Variants in NPAT observed in about 807,000 individuals in gnomAD.
NPAT encodes the protein nuclear protein, coactivator of histone transcription, also known as protein NPAT.
A neutral mutation model predicts 130.7 loss-of-function variants in NPAT; 52 were observed. The ratio of observed to expected loss-of-function variants is 0.40; its 90% CI spans 0.32 to 0.50. The LOEUF (loss-of-function observed/expected upper bound fraction) is 0.50. Among genes scored for constraint, NPAT ranks in the 20% least tolerant of loss-of-function variants. The pLI is 0.68. For missense variants in NPAT, 1,687 were observed against 1,662.6 expected (o/e 1.01, Z -0.26); for synonymous variants, 580 against 584.8 (o/e 0.99, Z 0.12).
chr11:108,168,886 G>A (rs1288032369), intron 15 of NPAT, among the ~76,000 whole-genome samples: 2 of 151,980 alleles, frequency 1.3e-5, no homozygotes, highest in African/African-American at 4.8e-5. Flanking sequence ...GAGATGGAGA[G>A]GTCGAGAGTG....
chr11:108,221,671 G>A (rs912597612), intron 1 of NPAT, among the ~76,000 whole-genome samples: 1 of 152,144 alleles, frequency 6.6e-6, no homozygotes, highest in African/African-American at 2.4e-5. Flanking sequence ...TTTTAGGGAC[G>A]TCGCATACGA....
intron 1 of NPAT, among the ~76,000 whole-genome samples, chr11:108,199,141 C>CA (rs1216988551): frequency 1.3e-5 from 2 of 152,202 alleles, no homozygotes; most frequent in African/African-American, 4.8e-5. Flanking sequence ...GGGAAGGAGA[C>CA]AGAGTTGTAA....
intron 1 of NPAT, among the ~76,000 whole-genome samples, chr11:108,198,524 C>T (rs963915919): frequency 1.3e-5 from 2 of 151,926 alleles, no homozygotes; most frequent in Non-Finnish European, 2.9e-5. Flanking sequence ...GGTAGGGTAC[C>T]CGGTGAAACC....
chr11:108,190,849 G>C lies in NPAT; in HGVS notation c.291-349C>G, dbSNP rs547317333. On this transcript the variant is annotated intron_variant, in intron 4 of 17. Transcript: ENST00000278612. The stretch of plus-strand genomic sequence containing the variant: ...GCACCCTGGGGGGCTGAGGTGAGAG[G>C]ATCACTTGAGGCCGAGAGTTCATGA... 2.6e-5 allele frequency among the ~76,000 whole-genome samples: 4 copies of C among 152,284 alleles called. No individual in the cohort carries two copies. In the South Asian group the frequency reaches 8.3e-4, roughly 32 times the overall value.
intron 1 of NPAT, among the ~76,000 whole-genome samples, chr11:108,219,185 G>A (rs1359258651): frequency 1.3e-5 from 2 of 152,160 alleles, no homozygotes; most frequent in Non-Finnish European, 2.9e-5. Flanking sequence ...ACTGGTGGGA[G>A]GCTGGAGGGC....
At chr11:108,186,130 T>A (rs750444974) in intron 8 of NPAT, among the ~76,000 whole-genome samples, 9 of 151,758 alleles carry the variant, frequency 5.9e-5, no homozygotes, top group Non-Finnish European at 1.2e-4. Flanking sequence ...AGTCCTCCCA[T>A]CTCAGCCTCC....
chr11:108,213,235 T>C (rs2078401294), intron 1 of NPAT, among the ~76,000 whole-genome samples: 1 of 152,106 alleles, frequency 6.6e-6, no homozygotes, highest in South Asian at 2.1e-4. Context: ...ATTGCGCCAT[T>C]GCACTCCAGC....
At chr11:108,220,804 A>G (rs915680229) in intron 1 of NPAT, among the ~76,000 whole-genome samples, 2 of 152,246 alleles carry the variant, frequency 1.3e-5, no homozygotes, top group Admixed American at 6.5e-5. Flanking sequence ...ACTAAAAGGT[A>G]TAGTGTGAAA....
chr11:108,210,569 TA>T (rs1487839237), intron 1 of NPAT, among the ~76,000 whole-genome samples: 3 of 152,178 alleles, frequency 2.0e-5, no homozygotes, highest in Admixed American at 2.0e-4. Flanking sequence ...GTGAGCCAAT[TA>T]AAACCTCTTT....
In NPAT at chr11:108,181,203, C is replaced by T. The variant is rs1485454552; in HGVS notation, c.906+4029G>A. Among the ~76,000 whole-genome samples, 5 of 152,210 alleles carry T rather than the reference C, an allele frequency of 3.3e-5. No individual in the cohort carries two copies. In the South Asian group the frequency reaches 8.3e-4, roughly 25 times the overall value. ...AACTGGCTGGGTGTGGTGGCTCACACCTGTAATCCCAGCACTTTGGGAGGC... is the reference window on the plus strand; with the variant it reads ...AACTGGCTGGGTGTGGTGGCTCACATCTGTAATCCCAGCACTTTGGGAGGC... On this transcript the variant is annotated intron_variant, in intron 10 of 17. Transcript: ENST00000278612.
intron 17 of NPAT, among the ~76,000 whole-genome samples, chr11:108,159,239 CAA>C (rs1362814404): frequency 2.6e-5 from 4 of 152,036 alleles, no homozygotes; most frequent in African/African-American, 9.7e-5. Flanking sequence ...TAGTTTATGG[CAA>C]AAGACATGAT....
At chr11:108,193,813 A>G in intron 3 of NPAT, 144 bp downstream of exon 3, 2 of 565,966 alleles carry the variant, frequency 3.5e-6, no homozygotes, top group Non-Finnish European at 6.4e-6. Context: ...GATGTGTCCC[A>G]GAAAAATTTA....
chr11:108,172,836 C>T lies in NPAT; in HGVS notation c.2148G>A (p.Glu716=), dbSNP rs1175831492. 6.2e-7 allele frequency: 1 copy of T among 1,613,886 alleles called. No homozygotes were observed. Among genetic ancestry groups the T allele is most frequent in the South Asian group, 1.1e-5 (1 of 91,084 alleles). The change falls in exon 13 of 18, where the codon GAG becomes GAA. Residue 716 remains glutamate, a synonymous_variant. Transcript: ENST00000278612. ...VCSSVGDSHP[E]SQNTDDKPSS... ...AAGGTTTATCATCAGTATTTTGGGA[C>T]TCAGGGTGAGAATCTCCCACTGAAG... is the stretch of plus-strand genomic sequence containing the variant.
chr11:108,195,260 T>A (rs1001213262), intron 2 of NPAT, among the ~76,000 whole-genome samples: 1 of 152,238 alleles, frequency 6.6e-6, no homozygotes. Flanking sequence ...CATGTCATAA[T>A]CATGTCAAAC....
intron 1 of NPAT, among the ~76,000 whole-genome samples, chr11:108,207,906 AC>A (rs977675523): frequency 5.3e-5 from 8 of 152,246 alleles, no homozygotes; most frequent in African/African-American, 1.9e-4. Flanking sequence ...GCGTCTTGGC[AC>A]CAGGTGCTGG....
In NPAT at chr11:108,173,727, T is replaced by C. The variant is rs753937277; in HGVS notation, c.1257A>G (p.Ile419Met). 1 of 1,614,152 alleles carries C rather than the reference T, an allele frequency of 6.2e-7. No individual in the cohort carries two copies. Among genetic ancestry groups the C allele is most frequent in the Admixed American group, 1.7e-5 (1 of 60,030 alleles). The part of the protein sequence containing the change: ...RQEDQENFSQ[I>M]STSIQKKAFK... ...AGGCCTTTTTCTGTATGCTGGTACT[T>C]ATTTGGGAAAAATTTTCCTGGTCTT... Residue 419 changes from isoleucine to methionine, a missense_variant, in exon 13 of 18, where the codon ATA becomes ATG. This residue lies in a region of NPAT where 1,379 missense variants were observed against 1,346.6 expected (regional missense o/e 1.02). Coordinates refer to ENST00000278612, the MANE Select transcript of NPAT (RefSeq NM_002519.3).
chr11:108,201,086 T>C (rs2078272056), intron 1 of NPAT, among the ~76,000 whole-genome samples: 1 of 152,170 alleles, frequency 6.6e-6, no homozygotes, highest in Non-Finnish European at 1.5e-5. Context: ...TGAGGAAGTC[T>C]CAGGAGGACA....
At chr11:108,221,870 G>T (rs915370226) in intron 1 of NPAT, among the ~76,000 whole-genome samples, 2 of 152,150 alleles carry the variant, frequency 1.3e-5, no homozygotes, top group Non-Finnish European at 2.9e-5. Flanking sequence ...GCTAGAAAAC[G>T]TTCAACTAAT....
chr11:108,206,345 T>C (rs970079667), intron 1 of NPAT, among the ~76,000 whole-genome samples: 1 of 152,192 alleles, frequency 6.6e-6, no homozygotes, highest in Non-Finnish European at 1.5e-5. Context: ...GTTTGGCTCA[T>C]GCTACTGGGC....
Sources: gnomAD v4.1 joint callset for allele counts (sites outside exome capture counted in the v4.1 genomes callset) on GRCh38, gnomAD v4.1.1 for gene constraint, gnomAD v4.1.1 regional missense constraint, MANE v1.5 for transcripts, NCBI Gene and HGNC (gene_info 2026-07-23, HGNC 2026-07-21) for gene names.